Variants in FAM169A observed in about 807,000 individuals in gnomAD.
FAM169A encodes family with sequence similarity 169 member A.
A neutral mutation model predicts 75.7 loss-of-function variants in FAM169A; 24 were observed. The observed-to-expected ratio is 0.32, with a 90% confidence interval of 0.23 to 0.45. FAM169A has a LOEUF of 0.45. Ranked by LOEUF, FAM169A falls within the 20% of genes least tolerant of loss-of-function variation. FAM169A has a pLI of 1.00. For missense variants in FAM169A, 673 were observed against 784.0 expected (o/e 0.86, Z 1.69); for synonymous variants, 271 against 271.0 (o/e 1.00, Z 0.00).
chr5:74,801,898 T>C (rs1310644141), intron 8 of FAM169A, among the ~76,000 whole-genome samples: 1 of 152,160 alleles, frequency 6.6e-6, no homozygotes, highest in Non-Finnish European at 1.5e-5. Context: ...GTCCACATGC[T>C]CTCCCTTCAC....
intron 11 of FAM169A, among the ~76,000 whole-genome samples, chr5:74,795,597 AT>A (rs1306686511): frequency 6.6e-6 from 1 of 152,054 alleles, no homozygotes; most frequent in Non-Finnish European, 1.5e-5. Context: ...CAGTCATCAA[AT>A]TTTTTTTCTG....
At chr5:74,866,467 G>A (rs1750355201), upstream of FAM169A, 3 of 830,028 alleles carry the variant, frequency 3.6e-6, no homozygotes, top group South Asian at 5.5e-5. Flanking sequence ...AGCGCGGAGC[G>A]GCCCCTCCTC....
intron 11 of FAM169A, among the ~76,000 whole-genome samples, chr5:74,788,887 C>G (rs1745831382): frequency 6.6e-6 from 1 of 152,154 alleles, no homozygotes. Context: ...AGTGGAGTAT[C>G]ATAAACTTAA....
chr5:74,788,481 G>A (rs955239104), intron 11 of FAM169A, among the ~76,000 whole-genome samples: 1 of 152,270 alleles, frequency 6.6e-6, no homozygotes, highest in Admixed American at 6.5e-5. Flanking sequence ...CAAGGCGGGC[G>A]TATCACCTGA....
rs943413050 is a variant in FAM169A, at chr5:74,782,946, T to C, written c.1449A>G (p.Val483=). The C allele has an allele frequency of 2.5e-6, 4 of 1,612,046 alleles. No homozygotes were observed. Among genetic ancestry groups the C allele is most frequent in the Non-Finnish European group, 3.4e-6 (4 of 1,178,328 alleles). The change falls in exon 12 of 13, where the codon GTA becomes GTG. Residue 483 remains valine (V), a synonymous_variant. Coordinates refer to ENST00000687041, the MANE Select transcript of FAM169A (RefSeq NM_001376049.1). Reference sequence around the variant, plus strand: ...GCCCCCTTACCTTATCTGGTGCATCTACCTCAGGGGGTTTTGAAGATTCTA... The same window carrying C: ...GCCCCCTTACCTTATCTGGTGCATCCACCTCAGGGGGTTTTGAAGATTCTA... The part of the protein sequence containing the change: ...LVVESSKPPE[V]DAPDKTPRIP...
intron 8 of FAM169A, among the ~76,000 whole-genome samples, chr5:74,802,941 C>A (rs964941163): frequency 1.3e-5 from 2 of 152,022 alleles, no homozygotes; most frequent in Non-Finnish European, 2.9e-5. Context: ...GGTAACAATA[C>A]CATCATCACC....
chr5:74,800,638 A>G, intron 10 of FAM169A, among the ~76,000 whole-genome samples: 1 of 152,236 alleles, frequency 6.6e-6, no homozygotes, highest in Admixed American at 6.5e-5. Context: ...TCAAATATAA[A>G]TAATTCAAAT....
intron 6 of FAM169A, among the ~76,000 whole-genome samples, chr5:74,808,371 G>A (rs992631314): frequency 5.9e-5 from 9 of 152,180 alleles, no homozygotes; most frequent in Non-Finnish European, 1.0e-4. Context: ...AAGTAAGCCA[G>A]ACACAGAAAA....
intron 11 of FAM169A, among the ~76,000 whole-genome samples, chr5:74,793,787 C>T (rs1285882854): frequency 2.0e-5 from 3 of 151,320 alleles, no homozygotes; most frequent in South Asian, 2.1e-4. Context: ...GCGGATCACA[C>T]GGTCAGGAGA....
intron 6 of FAM169A, among the ~76,000 whole-genome samples, chr5:74,808,759 G>A (rs1474768296): frequency 6.6e-6 from 1 of 152,146 alleles, no homozygotes; most frequent in Admixed American, 6.5e-5. Context: ...AATTATCTCT[G>A]GGGAGGAAAG....
chr5:74,778,695 ATAATT>A lies in FAM169A; in HGVS notation c.*2760_*2764del, dbSNP rs1224980152. ...AATTTCTGTGATGTCTAGCAATTGA[ATAATT>A]TAAACTTGAAAGAACTAAAATACTA... is the stretch of plus-strand genomic sequence containing the variant. On this transcript the variant is annotated 3_prime_UTR_variant, in exon 13 of 13. Coordinates refer to ENST00000687041, the MANE Select transcript of FAM169A (RefSeq NM_001376049.1). 3.0e-4 allele frequency: 46 copies of A among 152,220 alleles called. No homozygotes were observed. The highest frequency in any genetic ancestry group is 2.9e-3 in the Admixed American group (44 of 15,294). 9.4% of individuals were successfully genotyped at this position (152,220 alleles called of 1,614,324 possible).
At chr5:74,790,483 T>G (rs1000194196) in intron 11 of FAM169A, among the ~76,000 whole-genome samples, 2 of 152,202 alleles carry the variant, frequency 1.3e-5, no homozygotes, top group Admixed American at 1.3e-4. Context: ...GTGACAAATT[T>G]GGGGAAGAGG....
intron 8 of FAM169A, among the ~76,000 whole-genome samples, chr5:74,802,136 G>A (rs1287603440): frequency 6.6e-6 from 1 of 152,172 alleles, no homozygotes; most frequent in East Asian, 1.9e-4. Flanking sequence ...AAAACAGTGA[G>A]TCAGCAATGA....
chr5:74,851,824 T>C (rs760827974), intron 1 of FAM169A, among the ~76,000 whole-genome samples: 8 of 152,188 alleles, frequency 5.3e-5, no homozygotes, highest in Non-Finnish European at 1.0e-4. Flanking sequence ...ACTGACAATA[T>C]AAAATTTCTT....
At chr5:74,839,915 C>T (rs1748768222) in intron 3 of FAM169A, among the ~76,000 whole-genome samples, 159 bp downstream of exon 3, 2 of 151,960 alleles carry the variant, frequency 1.3e-5, no homozygotes, top group Admixed American at 6.6e-5. Flanking sequence ...ATCCATCAAA[C>T]ATGTAGCTAT....
chr5:74,842,075 T>C (rs557578153), intron 1 of FAM169A, among the ~76,000 whole-genome samples: 28 of 152,010 alleles, frequency 1.8e-4, no homozygotes, highest in Non-Finnish European at 3.1e-4. Flanking sequence ...TGTTCTACAA[T>C]TGGATTGTGA....
intron 1 of FAM169A, among the ~76,000 whole-genome samples, chr5:74,855,150 T>A (rs754595434): frequency 1.3e-5 from 2 of 152,184 alleles, no homozygotes; most frequent in Non-Finnish European, 2.9e-5. Context: ...ATGAAAGCCA[T>A]TTTAACTAGG....
chr5:74,859,227 C>T (rs755171006), intron 1 of FAM169A, among the ~76,000 whole-genome samples: 3 of 150,166 alleles, frequency 2.0e-5, no homozygotes, highest in African/African-American at 4.9e-5. Context: ...AAAAGAAAAA[C>T]CAAAAAACAT....
intron 1 of FAM169A, among the ~76,000 whole-genome samples, chr5:74,864,767 G>C (rs986747166): frequency 6.6e-6 from 1 of 152,194 alleles, no homozygotes; most frequent in African/African-American, 2.4e-5. Context: ...TTCTGTGAAA[G>C]ACGATCATGT....
Sources: allele counts gnomAD v4.1 joint callset (sites outside exome capture counted in the v4.1 genomes callset), GRCh38; gene constraint gnomAD v4.1.1; transcripts MANE v1.5; gene names NCBI Gene and HGNC (gene_info 2026-07-23, HGNC 2026-07-21).